The following TNFRSF10C variants were observed in gnomAD, a reference collection of about 807,000 sequenced individuals.
TNFRSF10C encodes TNF receptor superfamily member 10c.
TNFRSF10C carries 17 observed loss-of-function variants against 16.7 expected under a neutral mutation model. The ratio of observed to expected loss-of-function variants is 1.02; its 90% CI spans 0.70 to 1.53. The LOEUF (loss-of-function observed/expected upper bound fraction) is 1.53, where lower values mean the gene tolerates loss of function less well. Among genes scored for constraint, TNFRSF10C ranks in the 40% most tolerant of loss-of-function variants. The pLI is 0.00. For synonymous variants in TNFRSF10C, 73 were observed against 119.7 expected (o/e 0.61, Z 2.55); for missense variants, 237 against 329.7 (o/e 0.72, Z 2.18).
intron 3 of TNFRSF10C, among the ~76,000 whole-genome samples, 158 bp from the exon 4 acceptor site, chr8:23,115,350 G>T (rs111238248): frequency 0.034 from 5,122 of 152,212 alleles, 125 homozygotes; most frequent in Non-Finnish European, 0.049. Flanking sequence ...GCTGAAGGGT[G>T]GGTGTCCTGT....
intron 1 of TNFRSF10C, among the ~76,000 whole-genome samples, chr8:23,108,504 G>A (rs2128830394): frequency 6.6e-6 from 1 of 152,230 alleles, no homozygotes; most frequent in South Asian, 2.1e-4. Flanking sequence ...CTCCTGTCCT[G>A]CTCATACCTA....
chr8:23,112,340 C>T (rs2128831131), intron 2 of TNFRSF10C, among the ~76,000 whole-genome samples: 1 of 152,204 alleles, frequency 6.6e-6, no homozygotes, highest in South Asian at 2.1e-4. Flanking sequence ...GAATATATTC[C>T]CTGTGGATAG....
chr8:23,112,346 G>T (rs1297933025), intron 2 of TNFRSF10C, among the ~76,000 whole-genome samples: 2 of 152,176 alleles, frequency 1.3e-5, no homozygotes, highest in African/African-American at 4.8e-5. Flanking sequence ...ATTCCCTGTG[G>T]ATAGAAGGCA....
intron 1 of TNFRSF10C, among the ~76,000 whole-genome samples, chr8:23,106,897 G>T (rs1220401784): frequency 2.0e-5 from 3 of 150,858 alleles, no homozygotes; most frequent in Non-Finnish European, 4.4e-5. Context: ...TGAGGCAGGA[G>T]AATGGTGAGA....
chr8:23,104,508 C>T (rs935239487), intron 1 of TNFRSF10C, among the ~76,000 whole-genome samples: 2 of 152,212 alleles, frequency 1.3e-5, no homozygotes, highest in East Asian at 1.9e-4. Context: ...TTGTATGTAT[C>T]GTGTGTCCAC....
At position 23,117,162 on chromosome 8, in the gene TNFRSF10C, C is replaced by T. The variant is rs1167059325; in HGVS notation, c.*131C>T. ...TGTTCCCACAGACAGAAACGCCTGC[C>T]CCTGCCCCAAGTCCTGGTGTCTCCA... On this transcript the variant is annotated 3_prime_UTR_variant, in exon 5 of 5. Coordinates refer to ENST00000356864, the MANE Select transcript of TNFRSF10C (RefSeq NM_003841.5). 7.3e-7 allele frequency: 1 copy of T among 1,377,086 alleles called. No individual in the cohort carries two copies. The highest frequency in any genetic ancestry group is 2.3e-5 in the East Asian group (1 of 43,536). 85.3% of individuals were successfully genotyped at this position (1,377,086 alleles called of 1,614,324 possible). A position where few individuals can be genotyped will look rare whatever the true frequency, so the allele number is the denominator to read the frequency against.
In TNFRSF10C at chr8:23,102,967, C is replaced by T. The variant is rs1378939969; in HGVS notation, c.-155C>T. The T allele has an allele frequency of 6.6e-7, 1 of 1,517,948 alleles. No individual in the cohort carries two copies. The highest frequency in any genetic ancestry group is 2.1e-5 in the Admixed American group (1 of 48,104). 94.0% of individuals were successfully genotyped at this position (1,517,948 alleles called of 1,614,324 possible). On this transcript the variant is annotated 5_prime_UTR_variant, in exon 1 of 5. In the 5' UTR this introduces an upstream ATG that the reference lacks. Coordinates refer to ENST00000356864, the MANE Select transcript of TNFRSF10C (RefSeq NM_003841.5). ...TCTCCACGCGCACGAACTCAGCCAA[C>T]GATTTCTGATAGATTTTTGGGAGTT...
At chr8:23,111,636 T>G in intron 1 of TNFRSF10C, 84 bp from the exon 2 acceptor site, 1 of 1,068,436 alleles carries the variant, frequency 9.4e-7, no homozygotes, top group African/African-American at 1.6e-5. Context: ...GTTTTGTCAC[T>G]TGGGGTGAAG....
In TNFRSF10C at chr8:23,114,751, A is replaced by G. The variant is rs1813945099; in HGVS notation, c.261A>G (p.Pro87=). 2 of 1,613,800 alleles carry G rather than the reference A, an allele frequency of 1.2e-6. No homozygotes were observed. The highest frequency in any genetic ancestry group is 2.2e-5 in the South Asian group (2 of 91,078). ...CCAACAATGAACCTTCTTGCTTCCC[A>G]TGTACAGTTTGTAAATCAGGTACAG... ...NASNNEPSCF[P]CTVCKSDQKH... is the part of the protein sequence containing the mutation. Residue 87 remains proline, a synonymous_variant, in exon 3 of 5, where the codon CCA becomes CCG. Transcript: ENST00000356864.
chr8:23,116,708 T>C lies in TNFRSF10C; in HGVS notation c.457T>C (p.Phe153Leu). Residue 153 changes from phenylalanine to leucine, a missense_variant, in exon 5 of 5, where the codon TTT becomes CTT. This residue lies in a region of TNFRSF10C where 212 missense variants were observed against 196.8 expected (regional missense o/e 1.08). Coordinates refer to ENST00000356864, the MANE Select transcript of TNFRSF10C (RefSeq NM_003841.5). ...SWDDIQCVEEFGANATVETPA... is the reference protein window; with the variant it reads ...SWDDIQCVEELGANATVETPA... ...GGATGATATCCAGTGTGTTGAAGAA[T>C]TTGGTGCCAATGCCACTGTGGAAAC... 3 of 1,614,042 alleles carry C rather than the reference T, an allele frequency of 1.9e-6. No homozygotes were observed. In the South Asian group the frequency reaches 3.3e-5, roughly 18 times the overall value.
At chr8:23,115,158 C>T (rs1813954237) in intron 3 of TNFRSF10C, among the ~76,000 whole-genome samples, 2 of 145,792 alleles carry the variant, frequency 1.4e-5, no homozygotes, top group Non-Finnish European at 3.1e-5. Flanking sequence ...TCCTCCTCCC[C>T]AGCAGGCCCA....
intron 4 of TNFRSF10C, among the ~76,000 whole-genome samples, chr8:23,116,193 A>G (rs1813979748): frequency 6.6e-6 from 1 of 152,150 alleles, no homozygotes; most frequent in Non-Finnish European, 1.5e-5. Flanking sequence ...TTTGGGCTTT[A>G]AGGGCCAAGA....
Position 23,111,716 on chromosome 8 carries a change from A to G in TNFRSF10C, c.61-4A>G, listed in dbSNP as rs1194911345. On this transcript the variant is annotated splice_region_variant and splice_polypyrimidine_tract_variant and intron_variant, in intron 1 of 4. Coordinates refer to ENST00000356864, the MANE Select transcript of TNFRSF10C (RefSeq NM_003841.5). ...TCACACCCATCACTCCTTTGTCCCC[A>G]CAGGTCCTAGCTTACTCTGCCACCA... The G allele has an allele frequency of 6.2e-7, 1 of 1,613,334 alleles. No individual in the cohort carries two copies. Among genetic ancestry groups the G allele is most frequent in the Admixed American group, 1.7e-5 (1 of 60,000 alleles).
At position 23,111,799 on chromosome 8, in the gene TNFRSF10C, G is replaced by A; in HGVS notation, c.140G>A (p.Ser47Asn). ...GTGGCCCCACAGCAACAGAGGCACA[G>A]CTTCAAGGGGGAGGAGTGTCCAGCA... ...QTVAPQQQRH[S>N]FKGEECPAGS... Residue 47 changes from serine to asparagine, a missense_variant, in exon 2 of 5, where the codon AGC becomes AAC. Coordinates refer to ENST00000356864, the MANE Select transcript of TNFRSF10C (RefSeq NM_003841.5). 1 of 1,614,154 alleles carries A rather than the reference G, an allele frequency of 6.2e-7. No individual in the cohort carries two copies. The highest frequency in any genetic ancestry group is 8.5e-7 in the Non-Finnish European group (1 of 1,180,012).
rs1224713759 is a variant in TNFRSF10C at position 23,113,837 on chromosome 8, T to A, written c.167-820T>A. On this transcript the variant is annotated intron_variant, in intron 2 of 4. Transcript: ENST00000356864. ...GGGCGTGGTGGTGCGTCGCCTATAATCCCAGCTACTCGGGAGGCTGAGGCA... is the reference window on the plus strand; with the variant it reads ...GGGCGTGGTGGTGCGTCGCCTATAAACCCAGCTACTCGGGAGGCTGAGGCA... Among the ~76,000 whole-genome samples the A allele has an allele frequency of 7.9e-5, 12 of 151,850 alleles. No individual in the cohort carries two copies. In the East Asian group the frequency reaches 2.3e-3, roughly 29 times the overall value.
intron 2 of TNFRSF10C, among the ~76,000 whole-genome samples, chr8:23,113,954 CAA>C (rs781288895): frequency 3.6e-4 from 30 of 82,488 alleles, no homozygotes; most frequent in Admixed American, 1.4e-3. Flanking sequence ...GACTCTGTCT[CAA>C]AAAAAAAAAA....
intron 1 of TNFRSF10C, among the ~76,000 whole-genome samples, chr8:23,109,904 A>C (rs1813847510): frequency 1.3e-5 from 2 of 151,688 alleles, no homozygotes; most frequent in Non-Finnish European, 1.5e-5. Flanking sequence ...GCTCTACAAA[A>C]TATGTGAAAA....
At chr8:23,110,688 T>C (rs1813864589) in intron 1 of TNFRSF10C, among the ~76,000 whole-genome samples, 1 of 152,244 alleles carries the variant, frequency 6.6e-6, no homozygotes, top group Non-Finnish European at 1.5e-5. Flanking sequence ...GGGAGCAGCT[T>C]GACAAGGTCC....
Position 23,115,372 on chromosome 8 carries a change from G to A in TNFRSF10C, c.281-136G>A, listed in dbSNP as rs1813960449. ...GGTGGGTGTCCTGTATGAGCCCTGAGTGTGCTGGTGCAGAAACTGGCCCTT... is the reference window on the plus strand; with the variant it reads ...GGTGGGTGTCCTGTATGAGCCCTGAATGTGCTGGTGCAGAAACTGGCCCTT... On this transcript the variant is annotated intron_variant, in intron 3 of 4. Transcript: ENST00000356864. 22 of 629,928 alleles carry A rather than the reference G, an allele frequency of 3.5e-5. No individual in the cohort carries two copies. In the South Asian group the frequency reaches 4.2e-4, roughly 12 times the overall value. The allele number at this position is 629,928 out of a possible 1,614,324, so 39.0% of individuals were successfully genotyped here.
Sources: gnomAD v4.1 joint callset for allele counts (sites outside exome capture counted in the v4.1 genomes callset) on GRCh38, gnomAD v4.1.1 for gene constraint, gnomAD v4.1.1 regional missense constraint, MANE v1.5 for transcripts, NCBI Gene and HGNC (gene_info 2026-07-23, HGNC 2026-07-21) for gene names.